DDC: variants seen among roughly 807,000 people sequenced by gnomAD.
DDC encodes the protein aromatic-L-amino-acid decarboxylase.
DDC carries 43 observed loss-of-function variants against 60.0 expected under a neutral mutation model. The observed-to-expected ratio is 0.72, with a 90% confidence interval of 0.56 to 0.92. The LOEUF is 0.92. Ranked by LOEUF, DDC falls within the 40% of genes least tolerant of loss-of-function variation. The pLI, the probability that DDC is intolerant of heterozygous loss-of-function variation, is 0.00. For synonymous variants in DDC, 232 were observed against 234.6 expected (o/e 0.99, Z 0.10); for missense variants, 573 against 620.2 (o/e 0.92, Z 0.81).
At chr7:50,479,680 GCCTCCTT>G in intron 10 of DDC, 100 bp downstream of exon 10, 1 of 973,112 alleles carries the variant, frequency 1.0e-6, no homozygotes, top group Non-Finnish European at 1.7e-6. Flanking sequence ...CTCTGTGAAA[GCCTCCTT>G]GGATATGGAT....
chr7:50,483,674 G>A (rs774675149), intron 9 of DDC, among the ~76,000 whole-genome samples: 5 of 152,064 alleles, frequency 3.3e-5, no homozygotes, highest in Admixed American at 6.5e-5. Context: ...AGGCCGAGGC[G>A]GGAGGATCAC....
rs2042179441 is a variant in DDC, at chr7:50,458,813, T to G, written c.*49A>C. On this transcript the variant is annotated 3_prime_UTR_variant, in exon 15 of 15. Transcript: ENST00000444124. ...TATTTATTTGCTTCTTATTCCAGTT[T>G]TCAGATATATCTCTCTTCAATTTTT... is the stretch of plus-strand genomic sequence containing the variant. The G allele has an allele frequency of 6.6e-6, 1 of 152,168 alleles. No individual in the cohort carries two copies. Among genetic ancestry groups the G allele is most frequent in the Non-Finnish European group, 1.5e-5 (1 of 68,026 alleles). 9.4% of individuals were successfully genotyped at this position (152,168 alleles called of 1,614,324 possible).
chr7:50,525,277 G>A (rs752058235), intron 6 of DDC, among the ~76,000 whole-genome samples: 3 of 152,088 alleles, frequency 2.0e-5, no homozygotes, highest in Non-Finnish European at 4.4e-5. Context: ...TGGCATGGTG[G>A]CTGCATGAAT....
chr7:50,504,607 G>T (rs952993287), intron 6 of DDC, among the ~76,000 whole-genome samples: 9 of 151,054 alleles, frequency 6.0e-5, no homozygotes, highest in African/African-American at 2.2e-4. Context: ...ATATATATAT[G>T]TGTGTGTATA....
At chr7:50,484,062 G>A (rs1399086548) in intron 9 of DDC, among the ~76,000 whole-genome samples, 3 of 152,054 alleles carry the variant, frequency 2.0e-5, no homozygotes. Context: ...TGTGTTTATG[G>A]GCAATTCTTG....
At chr7:50,563,244 G>T (rs1192387364) in intron 1 of DDC, among the ~76,000 whole-genome samples, 1 of 151,782 alleles carries the variant, frequency 6.6e-6, no homozygotes, top group African/African-American at 2.4e-5. Context: ...TTAATTAATT[G>T]GATTGAATTG....
At chr7:50,512,189 A>G (rs2043598684) in intron 6 of DDC, among the ~76,000 whole-genome samples, 3 of 152,232 alleles carry the variant, frequency 2.0e-5, no homozygotes, top group Non-Finnish European at 4.4e-5. Flanking sequence ...AGGTATAGCG[A>G]TGTAGAAAAA....
chr7:50,472,952 T>C (rs2042565784), intron 11 of DDC, among the ~76,000 whole-genome samples: 1 of 152,140 alleles, frequency 6.6e-6, no homozygotes, highest in Non-Finnish European at 1.5e-5. Flanking sequence ...TCCAGCCTCT[T>C]TGAACAAAAT....
At chr7:50,545,024 A>G (rs1238473777) in intron 1 of DDC, among the ~76,000 whole-genome samples, 6 of 152,144 alleles carry the variant, frequency 3.9e-5, no homozygotes, top group African/African-American at 7.2e-5. Context: ...TAGGATGGCT[A>G]GACAGCACTT....
At chr7:50,500,072 C>G (rs1331771975) in intron 7 of DDC, among the ~76,000 whole-genome samples, 1 of 152,174 alleles carries the variant, frequency 6.6e-6, no homozygotes, top group Non-Finnish European at 1.5e-5. Flanking sequence ...TGGTTGCTGC[C>G]TCTCAGCCCT....
chr7:50,477,256 A>C (rs4989851), intron 10 of DDC, among the ~76,000 whole-genome samples: 84,298 of 151,896 alleles, frequency 0.55, 23,562 homozygotes, highest in Admixed American at 0.62. Flanking sequence ...ACCCCAGGAC[A>C]ATAAAGGAGA....
At chr7:50,548,232 T>C (rs2044869838) in intron 1 of DDC, among the ~76,000 whole-genome samples, 2 of 152,190 alleles carry the variant, frequency 1.3e-5, no homozygotes, top group African/African-American at 4.8e-5. Context: ...AACACTGCAA[T>C]GGCCTCTAAG....
intron 11 of DDC, among the ~76,000 whole-genome samples, chr7:50,474,848 A>G (rs1055394349): frequency 1.3e-5 from 2 of 152,228 alleles, no homozygotes; most frequent in African/African-American, 4.8e-5. Flanking sequence ...TTAAAAAATA[A>G]TAAAATAAAA....
At chr7:50,461,061 AT>A (rs1261988729) in intron 14 of DDC, among the ~76,000 whole-genome samples, 1 of 151,704 alleles carries the variant, frequency 6.6e-6, no homozygotes, top group South Asian at 2.1e-4. Context: ...AAAAAAATAA[AT>A]AAATAAATAA....
intron 6 of DDC, among the ~76,000 whole-genome samples, chr7:50,520,024 T>TA (rs1467278083): frequency 2.0e-5 from 3 of 152,320 alleles, no homozygotes; most frequent in Admixed American, 6.5e-5. Context: ...TCACAGTTAC[T>TA]ATATTATTAG....
intron 1 of DDC, among the ~76,000 whole-genome samples, chr7:50,553,484 C>CTTTTTTTTTTT (rs5884158): frequency 5.2e-4 from 47 of 90,930 alleles, no homozygotes; most frequent in South Asian, 2.1e-3. Context: ...TCTTTCTTTT[C>CTTTTTTTTTTT]TTTTTTTTTT....
chr7:50,518,660 T>G (rs937026245), intron 6 of DDC, among the ~76,000 whole-genome samples: 8 of 152,208 alleles, frequency 5.3e-5, no homozygotes, highest in African/African-American at 1.9e-4. Flanking sequence ...TTTCAACTAA[T>G]GTTGCTGGGA....
At chr7:50,514,196 A>G (rs1444938429) in intron 6 of DDC, among the ~76,000 whole-genome samples, 1 of 152,192 alleles carries the variant, frequency 6.6e-6, no homozygotes, top group African/African-American at 2.4e-5. Flanking sequence ...AGCTGGGTAG[A>G]CTGCCTGGGT....
chr7:50,525,272 T>C (rs943942775), intron 6 of DDC, among the ~76,000 whole-genome samples: 7 of 152,138 alleles, frequency 4.6e-5, no homozygotes, highest in African/African-American at 1.7e-4. Context: ...CTCATTGGCA[T>C]GGTGGCTGCA....
Sources: gnomAD v4.1 joint callset for allele counts (sites outside exome capture counted in the v4.1 genomes callset) on GRCh38, gnomAD v4.1.1 for gene constraint, MANE v1.5 for transcripts, NCBI Gene and HGNC (gene_info 2026-07-23, HGNC 2026-07-21) for gene names.